SVOPL: variants seen among roughly 807,000 people sequenced by gnomAD.
SVOPL encodes putative transporter SVOPL.
A neutral mutation model predicts 61.0 loss-of-function variants in SVOPL; 60 were observed. The ratio of observed to expected loss-of-function variants is 0.98; its 90% CI spans 0.80 to 1.22. SVOPL has a LOEUF of 1.22. Among genes scored for constraint, SVOPL ranks in the 50% most tolerant of loss-of-function variants. The pLI is 0.00. For synonymous variants in SVOPL, 279 were observed against 250.0 expected (o/e 1.12, Z -1.09); for missense variants, 662 against 643.9 (o/e 1.03, Z -0.30).
chr7:138,641,776 C>G (rs572876406), intron 9 of SVOPL, among the ~76,000 whole-genome samples: 3 of 134,832 alleles, frequency 2.2e-5, no homozygotes, highest in Non-Finnish European at 3.1e-5. Context: ...ACTGTTAACT[C>G]AAGAGGCAAA....
At chr7:138,621,202 C>T (rs763357489) in intron 13 of SVOPL, 67 bp from the exon 14 acceptor site, 121 of 1,383,986 alleles carry the variant, frequency 8.7e-5, no homozygotes, top group Non-Finnish European at 1.1e-4. Context: ...CTCCTCTTCC[C>T]CTTCCTCCCC....
At chr7:138,620,154 A>G (rs1178328381) in intron 14 of SVOPL, among the ~76,000 whole-genome samples, 1 of 109,822 alleles carries the variant, frequency 9.1e-6, no homozygotes, top group Non-Finnish European at 1.7e-5. Flanking sequence ...ATAGAGTCTC[A>G]CTCTCGCCCA....
At chr7:138,601,201 A>G (rs1323829840) in intron 14 of SVOPL, among the ~76,000 whole-genome samples, 2 of 151,338 alleles carry the variant, frequency 1.3e-5, no homozygotes, top group East Asian at 1.9e-4. Flanking sequence ...GCAGTGAGCC[A>G]AGATCGTGCC....
At chr7:138,662,808 C>A in intron 5 of SVOPL, 1 of 1,270,702 alleles carries the variant, frequency 7.9e-7, no homozygotes, top group South Asian at 2.3e-5. Context: ...TTTAATCCTT[C>A]TGGGTAGAGA....
chr7:138,662,696 C>A, intron 5 of SVOPL: 1 of 1,046,026 alleles, frequency 9.6e-7, no homozygotes, highest in South Asian at 3.7e-5. Context: ...TCAACACCAC[C>A]ACAGTAAACT....
intron 1 of SVOPL, among the ~76,000 whole-genome samples, chr7:138,692,087 G>A (rs1362691319): frequency 3.3e-5 from 5 of 152,008 alleles, no homozygotes; most frequent in African/African-American, 1.2e-4. Context: ...GAGGCGGGTG[G>A]ATCACTTGCA....
At chr7:138,641,198 C>CA (rs1444711205) in intron 9 of SVOPL, among the ~76,000 whole-genome samples, 1 of 115,818 alleles carries the variant, frequency 8.6e-6, no homozygotes, top group Non-Finnish European at 1.8e-5. Context: ...GACCCCATCA[C>CA]AAAAAATAAC....
intron 9 of SVOPL, among the ~76,000 whole-genome samples, chr7:138,632,699 A>C (rs1800268096): frequency 6.8e-6 from 1 of 147,432 alleles, no homozygotes; most frequent in African/African-American, 2.5e-5. Flanking sequence ...TGTGCAGGGA[A>C]GATGGGAGAC....
intron 7 of SVOPL, among the ~76,000 whole-genome samples, chr7:138,653,930 CTCAA>C (rs1563121799): frequency 6.8e-5 from 1 of 14,746 alleles, no homozygotes; most frequent in Admixed American, 8.0e-4. Context: ...AAGACTCTGT[CTCAA>C]AAAAAAAAAA....
chr7:138,682,913 A>G (rs1303878815), intron 1 of SVOPL, among the ~76,000 whole-genome samples: 2 of 150,576 alleles, frequency 1.3e-5, no homozygotes, highest in Admixed American at 6.7e-5. Context: ...GGTTGCTGTA[A>G]GCAGCGATCA....
chr7:138,660,341 A>T lies in SVOPL; in HGVS notation c.346-353T>A, dbSNP rs1415816952. On this transcript the variant is annotated intron_variant, in intron 5 of 15. Transcript: ENST00000674285. ...GCAGTATGTTGGGAGGAGTACAAGG[A>T]GAACATTTAAGGTATTTGCTTTTTC... 3 of 1,014,644 alleles carry T rather than the reference A, an allele frequency of 3.0e-6. No homozygotes were observed. The African/African-American group carries it at 5.1e-5, about 17-fold the overall frequency. The allele number at this position is 1,014,644 out of a possible 1,614,324, so 62.9% of individuals were successfully genotyped here.
chr7:138,619,719 C>CA (rs1424989986), intron 14 of SVOPL, among the ~76,000 whole-genome samples: 3 of 152,182 alleles, frequency 2.0e-5, no homozygotes, highest in African/African-American at 4.8e-5. Flanking sequence ...CGCTCTCTGT[C>CA]ATTTCACCTC....
At position 138,631,892 on chromosome 7, in the gene SVOPL, A is replaced by G. The variant is rs139935000; in HGVS notation, c.790-1770T>C. On this transcript the variant is annotated intron_variant, in intron 9 of 15. Transcript: ENST00000674285. ...CAGGCTCACTCTCCTTTTAGTGTTC[A>G]ATTTATGTCCCATTTATCCCCCTGA... is the stretch of plus-strand genomic sequence containing the variant. Among the ~76,000 whole-genome samples, 402 of 149,814 alleles carry G rather than the reference A, an allele frequency of 2.7e-3. 3 individuals are homozygous for G. Among genetic ancestry groups the G allele is most frequent in the African/African-American group, 9.9e-3 (393 of 39,840 alleles).
chr7:138,666,346 T>C (rs1363641876), intron 4 of SVOPL, among the ~76,000 whole-genome samples: 2 of 152,202 alleles, frequency 1.3e-5, no homozygotes, highest in African/African-American at 2.4e-5. Context: ...TAGAAGAAAA[T>C]AGAAAGCAAT....
chr7:138,695,277 C>T (rs1335791374), intron 1 of SVOPL, among the ~76,000 whole-genome samples: 4 of 152,084 alleles, frequency 2.6e-5, no homozygotes, highest in Admixed American at 6.6e-5. Context: ...TTTGGAAAGC[C>T]GAGGTGGGCG....
At chr7:138,684,029 G>C (rs948818014) in intron 1 of SVOPL, among the ~76,000 whole-genome samples, 1 of 151,602 alleles carries the variant, frequency 6.6e-6, no homozygotes, top group African/African-American at 2.4e-5. Context: ...CTCCAGCCTG[G>C]GTGACAGAAT....
chr7:138,653,292 T>C (rs1187669359), intron 7 of SVOPL, among the ~76,000 whole-genome samples: 1 of 152,184 alleles, frequency 6.6e-6, no homozygotes, highest in African/African-American at 2.4e-5. Context: ...AGGTGGCTAC[T>C]ACACTCAACA....
At chr7:138,610,124 A>C (rs1414860661) in intron 14 of SVOPL, among the ~76,000 whole-genome samples, 1 of 152,232 alleles carries the variant, frequency 6.6e-6, no homozygotes, top group Non-Finnish European at 1.5e-5. Context: ...GGATATACAT[A>C]CAATGAAATA....
intron 13 of SVOPL, among the ~76,000 whole-genome samples, chr7:138,621,630 C>T (rs1392983901): frequency 6.6e-6 from 1 of 152,172 alleles, no homozygotes; most frequent in East Asian, 1.9e-4. Context: ...ACTATGTTGG[C>T]CATGCTGGTC....
Sources: allele counts gnomAD v4.1 joint callset (sites outside exome capture counted in the v4.1 genomes callset), GRCh38; gene constraint gnomAD v4.1.1; transcripts MANE v1.5; gene names NCBI Gene and HGNC (gene_info 2026-07-23, HGNC 2026-07-21).